The following TTLL5 variants were observed in gnomAD, a reference collection of about 807,000 sequenced individuals.
TTLL5 encodes tubulin polyglutamylase TTLL5.
A neutral mutation model predicts 168.4 loss-of-function variants in TTLL5; 132 were observed. The observed-to-expected ratio is 0.78, with a 90% CI of 0.68 to 0.91. The LOEUF is 0.91. Among genes scored for constraint, TTLL5 ranks in the 40% least tolerant of loss-of-function variants. The pLI is 0.00. For missense variants in TTLL5, 1,545 were observed against 1,581.5 expected, an observed-to-expected ratio of 0.98 and a Z score of 0.39; for synonymous variants, 546 against 558.6, an observed-to-expected ratio of 0.98 and a Z score of 0.32.
chr14:75,747,473 A>G (rs1220995019), intron 17 of TTLL5, among the ~76,000 whole-genome samples: 1 of 151,278 alleles, frequency 6.6e-6, no homozygotes, highest in Non-Finnish European at 1.5e-5. Flanking sequence ...ATTGAATGCT[A>G]GACATTGCAG....
intron 28 of TTLL5, among the ~76,000 whole-genome samples, chr14:75,854,372 A>T (rs191135408): frequency 6.6e-6 from 1 of 152,270 alleles, no homozygotes; most frequent in Admixed American, 6.5e-5. Context: ...ATTCGTTTTT[A>T]TTGAGCAATA....
chr14:75,698,123 C>G (rs1594888895), intron 6 of TTLL5, among the ~76,000 whole-genome samples: 1 of 152,196 alleles, frequency 6.6e-6, no homozygotes, highest in Non-Finnish European at 1.5e-5. Flanking sequence ...GGGACCAGTG[C>G]TCTCTCTCCA....
chr14:75,767,163 T>TA (rs11301063), intron 20 of TTLL5, among the ~76,000 whole-genome samples: 71 of 140,574 alleles, frequency 5.1e-4, no homozygotes, highest in East Asian at 1.3e-3. Flanking sequence ...AACTCCATCT[T>TA]AAAAAAAAAA....
intron 12 of TTLL5, among the ~76,000 whole-genome samples, chr14:75,722,966 T>C (rs1887936905): frequency 6.6e-6 from 1 of 152,204 alleles, no homozygotes; most frequent in Non-Finnish European, 1.5e-5. Flanking sequence ...GTTAGCCTGC[T>C]CTGCCCTTAT....
At chr14:75,692,913 A>G (rs1885562600) in intron 6 of TTLL5, among the ~76,000 whole-genome samples, 2 of 152,174 alleles carry the variant, frequency 1.3e-5, no homozygotes, top group South Asian at 4.1e-4. Flanking sequence ...AGTTCTGGCC[A>G]GAGATGTAGA....
chr14:75,779,347 A>G (rs980952932), intron 23 of TTLL5, among the ~76,000 whole-genome samples: 1 of 152,194 alleles, frequency 6.6e-6, no homozygotes, highest in African/African-American at 2.4e-5. Flanking sequence ...ACCATATTAG[A>G]CAGTGTAGAT....
intron 28 of TTLL5, among the ~76,000 whole-genome samples, chr14:75,859,139 C>T (rs1247496865): frequency 6.6e-6 from 1 of 152,198 alleles, no homozygotes; most frequent in East Asian, 1.9e-4. Flanking sequence ...CTCTGCATAT[C>T]TTTATGGAGA....
At chr14:75,850,784 G>A (rs1896800018) in intron 28 of TTLL5, among the ~76,000 whole-genome samples, 1 of 151,974 alleles carries the variant, frequency 6.6e-6, no homozygotes, top group African/African-American at 2.4e-5. Context: ...AGACTTTAAG[G>A]GTTTAGGTTG....
At chr14:75,911,961 T>G in intron 31 of TTLL5, among the ~76,000 whole-genome samples, 1 of 152,226 alleles carries the variant, frequency 6.6e-6, no homozygotes, top group Middle Eastern at 3.2e-3. Context: ...TTGTTGTACA[T>G]GAGCACAGGG....
At chr14:75,790,430 T>C in intron 26 of TTLL5, among the ~76,000 whole-genome samples, 1 of 151,980 alleles carries the variant, frequency 6.6e-6, no homozygotes, top group Non-Finnish European at 1.5e-5. Flanking sequence ...ATACTAAGTG[T>C]TGAAGAGGCT....
intron 30 of TTLL5, among the ~76,000 whole-genome samples, chr14:75,890,847 G>A (rs1263672252): frequency 2.0e-5 from 3 of 152,150 alleles, no homozygotes; most frequent in Admixed American, 6.5e-5. Context: ...AGCCTCCAGA[G>A]TAGCTGGGAC....
intron 27 of TTLL5, among the ~76,000 whole-genome samples, chr14:75,811,156 A>AGAGTGTGTGTATGT (rs60194482): frequency 1.7e-5 from 2 of 116,532 alleles, no homozygotes; most frequent in East Asian, 5.1e-4. Flanking sequence ...TGAAAGAAAG[A>AGAGTGTGTGTATGT]GTGTGTGTGT....
intron 20 of TTLL5, among the ~76,000 whole-genome samples, chr14:75,771,368 C>T (rs185964528): frequency 3.9e-5 from 6 of 152,144 alleles, no homozygotes; most frequent in Non-Finnish European, 7.4e-5. Context: ...ATGGAGGTTG[C>T]GGTGAGCTGA....
At chr14:75,952,890 G>T (rs995368556) in intron 31 of TTLL5, among the ~76,000 whole-genome samples, 10 of 152,194 alleles carry the variant, frequency 6.6e-5, no homozygotes, top group African/African-American at 2.4e-4. Context: ...TGGCGAAGAA[G>T]TATGGGGTTT....
At chr14:75,868,336 A>G (rs2030709571) in intron 29 of TTLL5, among the ~76,000 whole-genome samples, 1 of 152,178 alleles carries the variant, frequency 6.6e-6, no homozygotes, top group Non-Finnish European at 1.5e-5. Flanking sequence ...TTAATTCTTC[A>G]CTGGTTCCGG....
intron 27 of TTLL5, among the ~76,000 whole-genome samples, chr14:75,807,030 T>C (rs951297573): frequency 3.3e-5 from 5 of 152,252 alleles, no homozygotes; most frequent in African/African-American, 1.2e-4. Context: ...TGCACTAAAC[T>C]ACATGATGCA....
chr14:75,875,786 G>A lies in TTLL5; in HGVS notation c.3523-6899G>A, dbSNP rs920424075. ...AAAACATCAGGTGTCATGTGATTCC[G>A]TGTTTTGTCAGCACACAGAAATACA... is the stretch of plus-strand genomic sequence containing the variant. On this transcript the variant is annotated intron_variant, in intron 29 of 31. Transcript: ENST00000298832. 5.3e-5 allele frequency among the ~76,000 whole-genome samples: 8 copies of A among 152,246 alleles called. No individual in the cohort carries two copies. In the East Asian group the frequency reaches 5.8e-4, roughly 11 times the overall value.
At chr14:75,790,260 T>A (rs1595045493) in intron 26 of TTLL5, among the ~76,000 whole-genome samples, 1 of 152,042 alleles carries the variant, frequency 6.6e-6, no homozygotes, top group East Asian at 1.9e-4. Context: ...TAAGAACTTG[T>A]GGTATGGAGC....
chr14:75,944,835 G>A (rs2034718326), intron 31 of TTLL5, among the ~76,000 whole-genome samples: 1 of 152,168 alleles, frequency 6.6e-6, no homozygotes, highest in African/African-American at 2.4e-5. Context: ...AGGAGTTGGG[G>A]GAGTGGGCTT....
Sources: gnomAD v4.1 joint callset for allele counts (sites outside exome capture counted in the v4.1 genomes callset) on GRCh38, gnomAD v4.1.1 for gene constraint, MANE v1.5 for transcripts, NCBI Gene and HGNC (gene_info 2026-07-23, HGNC 2026-07-21) for gene names.